The following EPB41L4A variants were observed in gnomAD, a reference collection of about 807,000 sequenced individuals.
EPB41L4A encodes the protein erythrocyte membrane protein band 4.1 like 4A.
In EPB41L4A, 100 loss-of-function variants were observed where a neutral mutation model predicts 108.6. That is an observed-to-expected ratio of 0.92 (90% CI 0.78 to 1.09). The LOEUF is 1.09. Ranked by LOEUF, EPB41L4A falls within the 50% of genes least tolerant of loss-of-function variation. The pLI, the probability that EPB41L4A is intolerant of heterozygous loss-of-function variation, is 0.00. For synonymous variants in EPB41L4A, 319 were observed against 289.0 expected (o/e 1.10, Z -1.05); for missense variants, 1,030 against 842.7 (o/e 1.22, Z -2.75).
intron 1 of EPB41L4A, among the ~76,000 whole-genome samples, chr5:112,409,260 T>C (rs911856294): frequency 8.5e-5 from 13 of 152,202 alleles, no homozygotes; most frequent in Non-Finnish European, 2.9e-5. Context: ...AATCCTTTTA[T>C]ATGAAATGTC....
intron 12 of EPB41L4A, among the ~76,000 whole-genome samples, chr5:112,221,837 T>C (rs924133296): frequency 1.3e-5 from 2 of 152,246 alleles, no homozygotes; most frequent in African/African-American, 4.8e-5. Flanking sequence ...TTCGTAGCTA[T>C]GTTTGGAATG....
Position 112,259,886 on chromosome 5 carries a change from C to G in EPB41L4A, c.731+5G>C, listed in dbSNP as rs1182791941. 6.2e-7 allele frequency: 1 copy of G among 1,610,848 alleles called. No individual in the cohort carries two copies. The highest frequency in any genetic ancestry group is 1.7e-5 in the Admixed American group (1 of 60,006). On this transcript the variant is annotated splice_donor_5th_base_variant and intron_variant, in intron 8 of 22. Transcript: ENST00000261486. ...ATGCCAACTCTGTTCTCAAGCCATA[C>G]CTACCAGAAATACTTCCCCACTTGC...
intron 12 of EPB41L4A, among the ~76,000 whole-genome samples, chr5:112,151,757 T>G (rs1268829122): frequency 2.7e-5 from 4 of 150,760 alleles, no homozygotes; most frequent in Admixed American, 2.6e-4. Context: ...TGAGACAGAG[T>G]TTCTCTATTG....
chr5:112,339,519 G>GAT (rs1561585482), intron 1 of EPB41L4A, among the ~76,000 whole-genome samples: 9 of 116,888 alleles, frequency 7.7e-5, no homozygotes, highest in African/African-American at 2.6e-4. Context: ...TAGATATATA[G>GAT]ATATATATCT....
At chr5:112,175,527 T>C (rs1180671753) in intron 18 of EPB41L4A, 1 of 152,178 alleles carries the variant, frequency 6.6e-6, no homozygotes, top group Non-Finnish European at 1.5e-5. Context: ...AAATGAATAA[T>C]GGTGTATCAT....
chr5:112,318,070 G>A (rs1464893594), intron 1 of EPB41L4A, among the ~76,000 whole-genome samples: 1 of 152,164 alleles, frequency 6.6e-6, no homozygotes, highest in Admixed American at 6.5e-5. Flanking sequence ...TTTTATAGAT[G>A]AGGAAACTCA....
At chr5:112,272,273 C>T (rs372597876) in intron 4 of EPB41L4A, among the ~76,000 whole-genome samples, 51 of 151,046 alleles carry the variant, frequency 3.4e-4, no homozygotes, top group Middle Eastern at 3.5e-3. Context: ...CAGGAGTAAC[C>T]GGGAGTACAG....
At chr5:112,170,106 A>G (rs1360728650) in intron 20 of EPB41L4A, 195 bp downstream of exon 20, 1 of 566,070 alleles carries the variant, frequency 1.8e-6, no homozygotes, top group Admixed American at 3.6e-5. Context: ...GTGGCTAATA[A>G]GAGATGATAG....
chr5:112,394,735 A>C (rs1045278351), intron 1 of EPB41L4A, among the ~76,000 whole-genome samples: 12 of 152,204 alleles, frequency 7.9e-5, no homozygotes, highest in African/African-American at 2.9e-4. Flanking sequence ...AATTGGAAAA[A>C]ACTACTTTAA....
At chr5:112,340,488 C>A (rs549979657) in intron 1 of EPB41L4A, among the ~76,000 whole-genome samples, 14 of 152,290 alleles carry the variant, frequency 9.2e-5, no homozygotes, top group African/African-American at 3.1e-4. Flanking sequence ...CACTTCTTAT[C>A]TGCCTCTCTG....
rs886606849 is a variant in EPB41L4A at position 112,162,774 on chromosome 5, G to A, written c.*2216C>T. On this transcript the variant is annotated 3_prime_UTR_variant, in exon 23 of 23. Coordinates refer to ENST00000261486, the MANE Select transcript of EPB41L4A (RefSeq NM_022140.5). ...CACTATGAGATGAGTTCCGTGATAGGATTTTCTTAGGGAAACCTGAGAAAG... is the reference window on the plus strand; with the variant it reads ...CACTATGAGATGAGTTCCGTGATAGAATTTTCTTAGGGAAACCTGAGAAAG... 3.3e-5 allele frequency: 5 copies of A among 152,162 alleles called. No individual in the cohort carries two copies. The highest frequency in any genetic ancestry group is 7.4e-5 in the Non-Finnish European group (5 of 68,026). 9.4% of individuals were successfully genotyped at this position (152,162 alleles called of 1,614,324 possible). A position where few individuals can be genotyped will look rare whatever the true frequency, so the allele number is the denominator to read the frequency against.
At chr5:112,208,177 C>T (rs1230972374) in intron 13 of EPB41L4A, among the ~76,000 whole-genome samples, 6 of 129,892 alleles carry the variant, frequency 4.6e-5, no homozygotes, top group South Asian at 2.7e-4. Context: ...ACCCAGGATG[C>T]GGAGGTTGCA....
chr5:112,392,219 T>C (rs1760995967), intron 1 of EPB41L4A, among the ~76,000 whole-genome samples: 1 of 151,882 alleles, frequency 6.6e-6, no homozygotes, highest in Admixed American at 6.6e-5. Context: ...AATTCACACA[T>C]AACAATATTA....
intron 4 of EPB41L4A, among the ~76,000 whole-genome samples, chr5:112,271,280 G>C (rs1752246250): frequency 6.6e-6 from 1 of 152,136 alleles, no homozygotes; most frequent in South Asian, 2.1e-4. Flanking sequence ...ACCTATCTCA[G>C]GGCTCCAAGC....
At chr5:112,196,621 A>C (rs1429725038) in intron 15 of EPB41L4A, 2 of 152,216 alleles carry the variant, frequency 1.3e-5, no homozygotes, top group African/African-American at 4.8e-5. Context: ...CTGATACTCA[A>C]CATGTTCCTC....
At chr5:112,201,796 T>C (rs1291853757) in intron 15 of EPB41L4A, among the ~76,000 whole-genome samples, 1 of 152,110 alleles carries the variant, frequency 6.6e-6, no homozygotes, top group East Asian at 1.9e-4. Context: ...AGGGCTGAAG[T>C]ACAGTTTATT....
In EPB41L4A at chr5:112,186,487, T is replaced by A. The variant is rs148909319; in HGVS notation, c.1503-2352A>T. The stretch of plus-strand genomic sequence containing the variant: ...ATCAGAAAGAATTCAAGATTATACA[T>A]GTACCTTTACCTTTTTTTCTAACTG... On this transcript the variant is annotated intron_variant, in intron 17 of 22. Transcript: ENST00000261486. 2.0e-5 allele frequency among the ~76,000 whole-genome samples: 3 copies of A among 152,374 alleles called. No homozygotes were observed. In the East Asian group the frequency reaches 5.8e-4, roughly 29 times the overall value.
chr5:112,360,420 C>T (rs942792831), intron 1 of EPB41L4A, among the ~76,000 whole-genome samples: 20 of 152,172 alleles, frequency 1.3e-4, no homozygotes, highest in Admixed American at 2.6e-4. Context: ...ATTGCAGGCG[C>T]GCACCGCCAC....
chr5:112,184,542 C>G (rs1353312472), intron 17 of EPB41L4A, among the ~76,000 whole-genome samples: 1 of 152,192 alleles, frequency 6.6e-6, no homozygotes, highest in Admixed American at 6.5e-5. Context: ...TTGAAATACT[C>G]TTAAAAAGTC....
Sources: gnomAD v4.1 joint callset for allele counts (sites outside exome capture counted in the v4.1 genomes callset) on GRCh38, gnomAD v4.1.1 for gene constraint, MANE v1.5 for transcripts, NCBI Gene and HGNC (gene_info 2026-07-23, HGNC 2026-07-21) for gene names.